The following MACROD2 variants were observed in gnomAD, a reference collection of about 807,000 sequenced individuals.
MACROD2 encodes the protein mono-ADP ribosylhydrolase 2, also known as ADP-ribose glycohydrolase MACROD2.
In MACROD2, 36 loss-of-function variants were observed where a neutral mutation model predicts 70.4. That is an observed-to-expected ratio of 0.51 (90% CI 0.39 to 0.68). MACROD2 has a LOEUF of 0.68. MACROD2 is among the 30% of genes least tolerant of loss of function. The pLI, the probability that MACROD2 is intolerant of heterozygous loss-of-function variation, is 0.00. For missense variants in MACROD2, 496 were observed against 538.4 expected (o/e 0.92, Z 0.78); for synonymous variants, 172 against 178.8 (o/e 0.96, Z 0.30).
At chr20:14,543,297 C>A (rs1007287950) in intron 4 of MACROD2, among the ~76,000 whole-genome samples, 2 of 152,162 alleles carry the variant, frequency 1.3e-5, no homozygotes, top group Non-Finnish European at 2.9e-5. Context: ...AACAGAACAG[C>A]ATGAAATTTA....
chr20:14,463,818 T>C (rs1400767933), intron 3 of MACROD2, among the ~76,000 whole-genome samples: 1 of 152,076 alleles, frequency 6.6e-6, no homozygotes, highest in African/African-American at 2.4e-5. Context: ...TTGGTTCTGT[T>C]TATATGCTGG....
At chr20:15,601,943 G>A (rs2048826812) in intron 8 of MACROD2, among the ~76,000 whole-genome samples, 1 of 152,078 alleles carries the variant, frequency 6.6e-6, no homozygotes. Context: ...CAGGAGAATT[G>A]CTTAAATCCG....
intron 3 of MACROD2, among the ~76,000 whole-genome samples, chr20:14,265,203 T>G (rs2082133889): frequency 6.6e-6 from 1 of 152,198 alleles, no homozygotes; most frequent in Non-Finnish European, 1.5e-5. Context: ...TACAGATGCA[T>G]TTCCAAGTAT....
chr20:15,730,242 T>C (rs1030578713), intron 8 of MACROD2, among the ~76,000 whole-genome samples: 4 of 152,180 alleles, frequency 2.6e-5, no homozygotes, highest in African/African-American at 4.8e-5. Flanking sequence ...TGACATCATG[T>C]TGTTAGCTGG....
intron 5 of MACROD2, among the ~76,000 whole-genome samples, chr20:14,849,652 G>A (rs1373188971): frequency 2.0e-5 from 3 of 152,092 alleles, no homozygotes; most frequent in Non-Finnish European, 4.4e-5. Flanking sequence ...GTGGTGGAGG[G>A]CGCCTGTAAT....
chr20:14,423,104 A>C (rs1033529229), intron 3 of MACROD2, among the ~76,000 whole-genome samples: 1 of 152,212 alleles, frequency 6.6e-6, no homozygotes, highest in Admixed American at 6.5e-5. Flanking sequence ...TTGCAAATAA[A>C]GTCTGTTCTG....
chr20:15,254,929 C>CT (rs762538763), intron 6 of MACROD2, among the ~76,000 whole-genome samples: 5,308 of 80,490 alleles, frequency 0.066, 213 homozygotes, highest in East Asian at 0.12. Flanking sequence ...CAAAGCACAC[C>CT]TTTTTTTTTT....
chr20:15,239,447 A>G (rs139061384), intron 6 of MACROD2, among the ~76,000 whole-genome samples: 116 of 152,194 alleles, frequency 7.6e-4, no homozygotes, highest in Middle Eastern at 3.4e-3. Flanking sequence ...TGTTTATTTT[A>G]TACACACACA....
chr20:15,491,288 T>A (rs1277160462), intron 7 of MACROD2, among the ~76,000 whole-genome samples: 1 of 152,106 alleles, frequency 6.6e-6, no homozygotes, highest in Non-Finnish European at 1.5e-5. Flanking sequence ...AATTAGCTAT[T>A]TTATAGAACA....
chr20:15,413,598 A>C (rs930035849), intron 6 of MACROD2, among the ~76,000 whole-genome samples: 2 of 152,174 alleles, frequency 1.3e-5, no homozygotes, highest in African/African-American at 4.8e-5. Flanking sequence ...TTTAATGTTT[A>C]CTGAGAGTTC....
intron 5 of MACROD2, among the ~76,000 whole-genome samples, chr20:15,120,440 C>T (rs2076022060): frequency 1.3e-5 from 2 of 152,214 alleles, no homozygotes; most frequent in African/African-American, 2.4e-5. Context: ...GACTCTTCTC[C>T]CCTACTTTAT....
At chr20:15,380,642 A>G (rs555922773) in intron 6 of MACROD2, among the ~76,000 whole-genome samples, 2 of 152,310 alleles carry the variant, frequency 1.3e-5, no homozygotes, top group East Asian at 3.9e-4. Flanking sequence ...CTTGCTGCAT[A>G]TCTTCCCAAC....
At chr20:15,715,111 C>A (rs1003469464) in intron 8 of MACROD2, among the ~76,000 whole-genome samples, 1 of 152,040 alleles carries the variant, frequency 6.6e-6, no homozygotes. Context: ...AAATTAGTGT[C>A]TTTAGCTCCT....
At chr20:14,695,247 T>C (rs114835576) in intron 5 of MACROD2, among the ~76,000 whole-genome samples, 1 of 152,260 alleles carries the variant, frequency 6.6e-6, no homozygotes, top group African/African-American at 2.4e-5. Context: ...CCAGCTTCCA[T>C]TGGCCTCAGG....
chr20:14,298,302 T>C (rs1568543511), intron 3 of MACROD2, among the ~76,000 whole-genome samples: 1 of 151,864 alleles, frequency 6.6e-6, no homozygotes, highest in Non-Finnish European at 1.5e-5. Context: ...GTGTGGTGGC[T>C]CACGCCTGTA....
At chr20:14,325,660 G>A (rs768053844) in intron 3 of MACROD2, 5 of 1,613,642 alleles carry the variant, frequency 3.1e-6, no homozygotes. Context: ...TCCATTAGGA[G>A]GAAATATGGT....
chr20:15,115,636 G>A (rs1568581679), intron 5 of MACROD2, among the ~76,000 whole-genome samples: 2 of 152,074 alleles, frequency 1.3e-5, no homozygotes, highest in African/African-American at 4.8e-5. Flanking sequence ...TCTAAAGATA[G>A]GATTTTAGAA....
chr20:15,260,379 C>A (rs1409414723), intron 6 of MACROD2, among the ~76,000 whole-genome samples: 1 of 151,062 alleles, frequency 6.6e-6, no homozygotes, highest in Non-Finnish European at 1.5e-5. Context: ...TAAGTGAGAC[C>A]ATGCAATGTT....
intron 3 of MACROD2, among the ~76,000 whole-genome samples, chr20:14,441,500 G>A (rs571138135): frequency 1.1e-3 from 160 of 152,300 alleles, no homozygotes; most frequent in Non-Finnish European, 1.9e-3. Flanking sequence ...AAAAGGGAAG[G>A]AACAGAGGTA....
Sources: allele counts gnomAD v4.1 joint callset (sites outside exome capture counted in the v4.1 genomes callset), GRCh38; gene constraint gnomAD v4.1.1; transcripts MANE v1.5; gene names NCBI Gene and HGNC (gene_info 2026-07-23, HGNC 2026-07-21).